The following PRDM1 variants were observed in gnomAD, a reference collection of about 807,000 sequenced individuals.
PRDM1 encodes PR domain zinc finger protein 1.
In PRDM1, 13 loss-of-function variants were observed where a neutral mutation model predicts 62.8. The ratio of observed to expected loss-of-function variants is 0.21; its 90% confidence interval spans 0.13 to 0.33. The LOEUF (loss-of-function observed/expected upper bound fraction) is 0.33. Ranked by LOEUF, PRDM1 falls within the 10% of genes least tolerant of loss-of-function variation. The probability of loss-of-function intolerance (pLI) is 1.00; values close to 1 mark genes in which losing one functional copy is unlikely to be tolerated. For synonymous variants in PRDM1, 396 were observed against 417.6 expected (o/e 0.95, Z 0.63); for missense variants, 895 against 1,058.8 (o/e 0.85, Z 2.15).
chr6:106,106,896 T>C lies in PRDM1; in HGVS notation c.1903-15T>C, dbSNP rs2114661444. The C allele has an allele frequency of 6.3e-7, 1 of 1,595,840 alleles. No homozygotes were observed. Among genetic ancestry groups the C allele is most frequent in the Non-Finnish European group, 8.6e-7 (1 of 1,167,116 alleles). Reference sequence around the variant, plus strand: ...CTGTCTCCCTTCCCTGCTGTCTCTCTCCCCTACACTGTAGGTCTGCCACAA... The same window carrying C: ...CTGTCTCCCTTCCCTGCTGTCTCTCCCCCCTACACTGTAGGTCTGCCACAA... On this transcript the variant is annotated splice_polypyrimidine_tract_variant and intron_variant, in intron 6 of 6. Transcript: ENST00000369096. The surrounding 1 kb of genome is among the most constrained non-coding windows in gnomAD (Gnocchi z 4.4).
At chr6:106,103,506 GGT>G (rs1402217740) in intron 4 of PRDM1, among the ~76,000 whole-genome samples, 1 of 152,196 alleles carries the variant, frequency 6.6e-6, no homozygotes, top group East Asian at 1.9e-4. Flanking sequence ...TCCTAGGGCA[GGT>G]GTCCTGGCTT....
chr6:106,044,461 AGATAGTATTGAACCCAG>A (rs1266127915), upstream of PRDM1, among the ~76,000 whole-genome samples: 1 of 152,178 alleles, frequency 6.6e-6, no homozygotes, highest in Non-Finnish European at 1.5e-5. Flanking sequence ...AGTGTAAAAT[AGATAGTATTGAACCCAG>A]GGCAAACATT....
intron 1 of PRDM1, among the ~76,000 whole-genome samples, chr6:106,032,037 G>T (rs1037358634): frequency 6.6e-6 from 1 of 152,146 alleles, no homozygotes; most frequent in East Asian, 1.9e-4. Context: ...AGTTGAAGAT[G>T]ATGCCTTACC....
intron 1 of PRDM1, among the ~76,000 whole-genome samples, chr6:106,019,111 C>G (rs935127935): frequency 2.2e-4 from 34 of 151,764 alleles, no homozygotes; most frequent in Admixed American, 2.0e-4. Flanking sequence ...ACTAAAAATA[C>G]AAAAATTAGC....
chr6:106,099,593 A>T, intron 4 of PRDM1, 41 bp downstream of exon 4: 1 of 1,608,098 alleles, frequency 6.2e-7, no homozygotes. Flanking sequence ...AATGCCAGTA[A>T]TGTCGGTTCT....
rs1223189599 is a variant in PRDM1, at chr6:106,088,250, A to AG, written c.96dup (p.Thr33AspfsTer21). 1.2e-6 allele frequency: 2 copies of AG among 1,614,036 alleles called. No individual in the cohort carries two copies. Among genetic ancestry groups the AG allele is most frequent in the Admixed American group, 3.3e-5 (2 of 60,008 alleles). On this transcript the variant is annotated frameshift_variant, in exon 2 of 7. Transcript: ENST00000369096. LOFTEE classifies it high-confidence loss of function. ...ACTGTGAGGTTTCAGGGATTGGCAGAGGGGACCAAGGGGACCATGAAAATG... is the reference window on the plus strand; with the variant it reads ...ACTGTGAGGTTTCAGGGATTGGCAGAGGGGGACCAAGGGGACCATGAAAATG...
intron 1 of PRDM1, among the ~76,000 whole-genome samples, chr6:106,053,421 T>A (rs115822505): frequency 9.2e-4 from 140 of 152,250 alleles, no homozygotes; most frequent in African/African-American, 3.2e-3. Context: ...CCTTTATATG[T>A]TTTTTTCCTG....
intron 1 of PRDM1, among the ~76,000 whole-genome samples, chr6:106,000,469 A>T (rs1446674052): frequency 6.6e-6 from 1 of 152,180 alleles, no homozygotes; most frequent in Non-Finnish European, 1.5e-5. Flanking sequence ...TAAAAAATAA[A>T]ATAAAAAATT....
At chr6:106,099,669 G>A in intron 4 of PRDM1, 117 bp downstream of exon 4, 1 of 1,414,660 alleles carries the variant, frequency 7.1e-7, no homozygotes. Flanking sequence ...TGAAGTAGGT[G>A]GCTTAAGCTA....
intron 1 of PRDM1, among the ~76,000 whole-genome samples, chr6:106,027,746 A>C (rs1355426317): frequency 6.6e-6 from 1 of 152,192 alleles, no homozygotes; most frequent in African/African-American, 2.4e-5. Flanking sequence ...TCATCACTTG[A>C]GAGTGTCCTA....
At chr6:106,042,087 C>T (rs1402333307) in intron 1 of PRDM1, among the ~76,000 whole-genome samples, 1 of 150,432 alleles carries the variant, frequency 6.6e-6, no homozygotes, top group Non-Finnish European at 1.5e-5. Context: ...GGATTACAGG[C>T]ATGAGCCACC....
upstream of PRDM1, chr6:106,046,073 A>C (rs976787283): frequency 5.3e-5 from 8 of 152,172 alleles, no homozygotes; most frequent in African/African-American, 1.4e-4. Flanking sequence ...ATGCTAGCAG[A>C]GCTGCTTTAG....
intron 1 of PRDM1, among the ~76,000 whole-genome samples, chr6:106,015,411 C>A (rs546620671): frequency 1.3e-5 from 2 of 152,286 alleles, no homozygotes; most frequent in Admixed American, 6.5e-5. Flanking sequence ...CCCGTTTGAG[C>A]TTGGCATTTG....
intron 1 of PRDM1, among the ~76,000 whole-genome samples, chr6:106,071,270 C>G (rs1273329886): frequency 6.6e-6 from 1 of 150,756 alleles, no homozygotes; most frequent in African/African-American, 2.4e-5. Flanking sequence ...GAGACTGGCT[C>G]AAAAAAAAGA....
intron 1 of PRDM1, among the ~76,000 whole-genome samples, chr6:106,016,679 C>T (rs1215380763): frequency 6.1e-5 from 8 of 131,680 alleles, no homozygotes; most frequent in African/African-American, 2.0e-4. Flanking sequence ...GACAAAGTCT[C>T]GCTCTGTCAC....
At chr6:106,058,567 T>C (rs1773297945) in intron 1 of PRDM1, among the ~76,000 whole-genome samples, 1 of 152,100 alleles carries the variant, frequency 6.6e-6, no homozygotes, top group African/African-American at 2.4e-5. Context: ...AGCCAGCATA[T>C]TTCTTTCTTT....
intron 1 of PRDM1, among the ~76,000 whole-genome samples, chr6:106,037,329 T>A (rs1772935669): frequency 6.6e-6 from 1 of 152,244 alleles, no homozygotes; most frequent in Non-Finnish European, 1.5e-5. Context: ...TGTCTTGGTG[T>A]GGATTTCTGA....
chr6:106,038,014 CTTT>C lies in PRDM1; in HGVS notation c.-67+44393_-67+44395del, dbSNP rs1227783243. Among the ~76,000 whole-genome samples the C allele has an allele frequency of 1.9e-3, 89 of 47,796 alleles. 3 individuals carry two copies. The highest frequency in any genetic ancestry group is 6.0e-3 in the African/African-American group (70 of 11,666). 31.4% of individuals were successfully genotyped at this position (47,796 alleles called of 152,430 possible). On this transcript the variant is annotated intron_variant, in intron 1 of 6. Transcript: ENST00000652320. Reference sequence around the variant, plus strand: ...CTTTCCTATGGTTTGCTATTTTTGTCTTTTTTTTTTTTTTTTTTTTGAGACAGA... The same window carrying C: ...CTTTCCTATGGTTTGCTATTTTTGTCTTTTTTTTTTTTTTTTTGAGACAGA...
chr6:106,062,314 T>C (rs1773357235), intron 1 of PRDM1, among the ~76,000 whole-genome samples: 2 of 152,260 alleles, frequency 1.3e-5, no homozygotes, highest in South Asian at 4.1e-4. Context: ...ATTTGTCCTT[T>C]GGAAAAGTGA....
Sources: gnomAD v4.1 joint callset for allele counts (sites outside exome capture counted in the v4.1 genomes callset) on GRCh38, gnomAD v4.1.1 for gene constraint, Gnocchi (gnomAD v3.1) non-coding constraint, MANE v1.5 for transcripts, NCBI Gene and HGNC (gene_info 2026-07-23, HGNC 2026-07-21) for gene names.